Variants in COG8 observed in about 807,000 individuals in gnomAD.
COG8 encodes component of oligomeric golgi complex 8.
COG8 carries 45 observed loss-of-function variants against 46.5 expected under a neutral mutation model. The ratio of observed to expected loss-of-function variants is 0.97; its 90% confidence interval spans 0.76 to 1.24. The LOEUF is 1.24. Ranked by LOEUF, COG8 falls within the 50% of genes most tolerant of loss-of-function variation. The probability of loss-of-function intolerance (pLI) is 0.00; values close to 1 mark genes in which losing one functional copy is unlikely to be tolerated. For synonymous variants in COG8, 407 were observed against 347.8 expected (o/e 1.17, Z -1.90); for missense variants, 793 against 820.8 (o/e 0.97, Z 0.41).
intron 3 of COG8, among the ~76,000 whole-genome samples, 158 bp from the exon 4 acceptor site, chr16:69,333,040 G>A (rs1446052271): frequency 6.6e-6 from 1 of 152,068 alleles, no homozygotes; most frequent in Non-Finnish European, 1.5e-5. Context: ...TCAGAATTAT[G>A]GTCATTGTCC....
rs781410055 is a variant in COG8 at position 69,331,048 on chromosome 16, T to A, written c.1630A>T (p.Asn544Tyr). 1 of 1,613,976 alleles carries A rather than the reference T, an allele frequency of 6.2e-7. No homozygotes were observed. Among genetic ancestry groups the A allele is most frequent in the Non-Finnish European group, 8.5e-7 (1 of 1,179,990 alleles). ...LSKYGNLGHV[N>Y]IGAIQEPLAF... The stretch of plus-strand genomic sequence containing the variant: ...AGGGGCTCCTGAATGGCGCCGATGT[T>A]CACATGCCCTAGGTTACCGTACTTG... The change falls in exon 5 of 6, where the codon AAC (asparagine) becomes TAC (tyrosine). Residue 544 changes from asparagine to tyrosine, a missense_variant. Transcript: ENST00000306875.
chr16:69,338,312 C>T (rs2012319661), intron 1 of COG8: 1 of 152,138 alleles, frequency 6.6e-6, no homozygotes, highest in African/African-American at 2.4e-5. Flanking sequence ...GGGTTCAAGC[C>T]TCAGGCTCCC....
At position 69,329,153 on chromosome 16, in the gene COG8, C is replaced by T; in HGVS notation, c.*53G>A. ...GCTGCCCACCCGCTCGCCTGCCACACCACCTGTTCTCCATTGGGGTCCAGC... is the reference window on the plus strand; with the variant it reads ...GCTGCCCACCCGCTCGCCTGCCACATCACCTGTTCTCCATTGGGGTCCAGC... On this transcript the variant is annotated 3_prime_UTR_variant, in exon 6 of 6. Coordinates refer to ENST00000306875, the MANE Select transcript of COG8 (RefSeq NM_032382.5). The T allele has an allele frequency of 1.2e-6, 2 of 1,607,792 alleles. No individual in the cohort carries two copies. The highest frequency in any genetic ancestry group is 1.7e-6 in the Non-Finnish European group (2 of 1,178,606).
rs2012136006 is a variant in COG8 at position 69,335,195 on chromosome 16, A to G, written c.739T>C (p.Phe247Leu). 1 of 1,614,026 alleles carries G rather than the reference A, an allele frequency of 6.2e-7. No individual in the cohort carries two copies. The highest frequency in any genetic ancestry group is 1.1e-5 in the South Asian group (1 of 91,082). Residue 247 changes from phenylalanine (F) to leucine (L), a missense_variant, in exon 3 of 6, where the codon TTT becomes CTT. Coordinates refer to ENST00000306875, the MANE Select transcript of COG8 (RefSeq NM_032382.5). The part of the protein sequence containing the change: ...VFTEAELRVK[F>L]LQARDAWLRS... Reference sequence around the variant, plus strand: ...AGCCAAGCATCTCGGGCCTGAAGAAACTTCACCCTCAACTCAGCCTCAGTG... The same window carrying G: ...AGCCAAGCATCTCGGGCCTGAAGAAGCTTCACCCTCAACTCAGCCTCAGTG...
At position 69,335,183 on chromosome 16, in the gene COG8, G is replaced by A. The variant is rs567223248; in HGVS notation, c.751C>T (p.Arg251Ter). 8.1e-6 allele frequency: 13 copies of A among 1,614,136 alleles called. No individual in the cohort carries two copies. Among genetic ancestry groups the A allele is most frequent in the South Asian group, 4.4e-5 (4 of 91,082 alleles). ...AELRVKFLQA[R>*]DAWLRSILTA... ...AGGATGGACCGGAGCCAAGCATCTC[G>A]GGCCTGAAGAAACTTCACCCTCAAC... The change falls in exon 3 of 6, where the codon CGA becomes TGA. Residue 251 changes from arginine (R) to a stop codon, truncating the protein, a stop_gained. Coordinates refer to ENST00000306875, the MANE Select transcript of COG8 (RefSeq NM_032382.5). LOFTEE classifies it high-confidence loss of function.
Position 69,339,224 on chromosome 16 carries a change from G to T in COG8, c.329C>A (p.Ser110Ter). The T allele has an allele frequency of 6.2e-7, 1 of 1,612,810 alleles. No individual in the cohort carries two copies. Among genetic ancestry groups the T allele is most frequent in the Non-Finnish European group, 8.5e-7 (1 of 1,179,870 alleles). Reference sequence around the variant, plus strand: ...CAAACGGTCGAGCAGGCGGCCGAGCGACGCCTCCACGTCGCCAAACAGGCG... The same window carrying T: ...CAAACGGTCGAGCAGGCGGCCGAGCTACGCCTCCACGTCGCCAAACAGGCG... ...IHRLFGDVEASLGRLLDRLPS... is the reference protein window; with the variant it reads ...IHRLFGDVEA The change falls in exon 1 of 6, where the codon TCG (serine) becomes TAG (stop). Residue 110 changes from serine (S) to a stop codon, truncating the protein, a stop_gained. Coordinates refer to ENST00000306875, the MANE Select transcript of COG8 (RefSeq NM_032382.5). LOFTEE classifies it high-confidence loss of function.
chr16:69,330,413 C>T, intron 5 of COG8: 1 of 1,477,990 alleles, frequency 6.8e-7, no homozygotes, highest in Non-Finnish European at 8.9e-7. Flanking sequence ...CACCAGACGC[C>T]TCAGGTGGCG....
chr16:69,336,493 CA>C lies in COG8; in HGVS notation c.585+11del. On this transcript the variant is annotated intron_variant, in intron 2 of 5. Coordinates refer to ENST00000306875, the MANE Select transcript of COG8 (RefSeq NM_032382.5). ...AACATTACTTTGAGTCCTCTCTGGG[CA>C]AGGTGGCTACCTGGATGACAGGGAT... 1 of 1,613,450 alleles carries C rather than the reference CA, an allele frequency of 6.2e-7. No homozygotes were observed. The highest frequency in any genetic ancestry group is 8.5e-7 in the Non-Finnish European group (1 of 1,179,626).
At chr16:69,336,860 T>C (rs1029551128) in intron 1 of COG8, 148 bp from the exon 2 acceptor site, 1 of 749,150 alleles carries the variant, frequency 1.3e-6, no homozygotes, top group Non-Finnish European at 2.3e-6. Context: ...ATTATTACAA[T>C]TGAGGAAATT....
At position 69,329,210 on chromosome 16, in the gene COG8, G is replaced by A. The variant is rs766730910; in HGVS notation, c.*27-31C>T. Reference sequence around the variant, plus strand: ...AAGGAAGTTACAGCCCTGGTGAGTGGGAACAGCTGAACTGCATCATCCTCA... The same window carrying A: ...AAGGAAGTTACAGCCCTGGTGAGTGAGAACAGCTGAACTGCATCATCCTCA... On this transcript the variant is annotated intron_variant, in intron 5 of 5. Transcript: ENST00000306875. 14 of 1,551,876 alleles carry A rather than the reference G, an allele frequency of 9.0e-6. No homozygotes were observed. In the East Asian group the frequency reaches 3.1e-4, roughly 34 times the overall value.
intron 5 of COG8, chr16:69,330,076 C>A: frequency 6.4e-7 from 1 of 1,568,056 alleles, no homozygotes; most frequent in Non-Finnish European, 8.6e-7. Context: ...GAAAGGTGAC[C>A]AGGCGGCTGT....
intron 4 of COG8, 74 bp downstream of exon 4, chr16:69,332,640 A>G (rs2143334660): frequency 2.2e-6 from 3 of 1,360,464 alleles, no homozygotes; most frequent in South Asian, 1.2e-5. Flanking sequence ...ACACTGACTT[A>G]CACAAATGGA....
intron 4 of COG8, among the ~76,000 whole-genome samples, chr16:69,332,279 G>A (rs1048355203): frequency 2.0e-5 from 3 of 152,104 alleles, no homozygotes; most frequent in Admixed American, 2.0e-4. Context: ...GAACCCGGGA[G>A]GTGGAGGTTG....
At position 69,335,263 on chromosome 16, in the gene COG8, G is replaced by A. The variant is rs1251811719; in HGVS notation, c.671C>T (p.Ala224Val). The change falls in exon 3 of 6, where the codon GCC becomes GTC. Residue 224 changes from alanine to valine, a missense_variant. Ala to Val is a moderately conservative substitution (Grantham distance 64). Transcript: ENST00000306875. The part of the protein sequence containing the change: ...QQLRTNIQLP[A>V]CLRVIGYLRR... The stretch of plus-strand genomic sequence containing the variant: ...CAGGTAGCCAATGACACGGAGGCAG[G>A]CAGGAAGCTGGATGTTGGTCCTCAG... 2 of 1,613,580 alleles carry A rather than the reference G, an allele frequency of 1.2e-6. No homozygotes were observed. The highest frequency in any genetic ancestry group is 3.3e-5 in the Admixed American group (2 of 59,956).
At position 69,329,168 on chromosome 16, in the gene COG8, TG is replaced by T. The variant is rs1367521854; in HGVS notation, c.*37del. The T allele has an allele frequency of 3.1e-6, 5 of 1,603,600 alleles. No homozygotes were observed. In the African/African-American group the frequency reaches 6.7e-5, roughly 21 times the overall value. On this transcript the variant is annotated 3_prime_UTR_variant, in exon 6 of 6. Coordinates refer to ENST00000306875, the MANE Select transcript of COG8 (RefSeq NM_032382.5). ...GCCTGCCACACCACCTGTTCTCCATTGGGGTCCAGCCCTGCAAAGGAAGTTA... is the reference window on the plus strand; with the variant it reads ...GCCTGCCACACCACCTGTTCTCCATTGGGTCCAGCCCTGCAAAGGAAGTTA...
At position 69,332,723 on chromosome 16, in the gene COG8, GT is replaced by G; in HGVS notation, c.1572del (p.Gln525ArgfsTer3). 1 of 1,613,946 alleles carries G rather than the reference GT, an allele frequency of 6.2e-7. No individual in the cohort carries two copies. The highest frequency in any genetic ancestry group is 8.5e-7 in the Non-Finnish European group (1 of 1,179,790). On this transcript the variant is annotated frameshift_variant, in exon 4 of 6. Transcript: ENST00000306875. LOFTEE classifies it high-confidence loss of function. Reference sequence around the variant, plus strand: ...ATTTTCATTCTCTTACCTAAAGTCTGTGCTATCTGAGCTGGTGGAAAAAGGA... The same window carrying G: ...ATTTTCATTCTCTTACCTAAAGTCTGGCTATCTGAGCTGGTGGAAAAAGGA... ...LQVLFPPAQIAQTLGIPPTQL... is the reference protein window; with the variant it reads ...LQVLFPPAQIXQTLGIPPTQL...
chr16:69,337,599 T>C (rs541511787), intron 1 of COG8, among the ~76,000 whole-genome samples: 1 of 152,268 alleles, frequency 6.6e-6, no homozygotes, highest in South Asian at 2.1e-4. Context: ...AAGTCCCCTA[T>C]CTATTCTGGA....
Position 69,328,866 on chromosome 16 carries a change from C to A in COG8, c.*340G>T. On this transcript the variant is annotated 3_prime_UTR_variant, in exon 6 of 6. Coordinates refer to ENST00000306875, the MANE Select transcript of COG8 (RefSeq NM_032382.5). ...GTAACTGATTTCAGGGCAAACATTT[C>A]TGACATCTTCCTCCAGCTCAGTCTG... is the stretch of plus-strand genomic sequence containing the variant. 1 of 994,426 alleles carries A rather than the reference C, an allele frequency of 1.0e-6. No individual in the cohort carries two copies. Among genetic ancestry groups the A allele is most frequent in the Non-Finnish European group, 1.4e-6 (1 of 690,534 alleles). 61.6% of individuals were successfully genotyped at this position (994,426 alleles called of 1,614,324 possible). A position where few individuals can be genotyped will look rare whatever the true frequency, so the allele number is the denominator to read the frequency against.
chr16:69,329,174 C>T lies in COG8; in HGVS notation c.*32G>A. Reference sequence around the variant, plus strand: ...CACACCACCTGTTCTCCATTGGGGTCCAGCCCTGCAAAGGAAGTTACAGCC... The same window carrying T: ...CACACCACCTGTTCTCCATTGGGGTTCAGCCCTGCAAAGGAAGTTACAGCC... On this transcript the variant is annotated 3_prime_UTR_variant, in exon 6 of 6. Coordinates refer to ENST00000306875, the MANE Select transcript of COG8 (RefSeq NM_032382.5). 6.3e-7 allele frequency: 1 copy of T among 1,596,694 alleles called. No homozygotes were observed. Among genetic ancestry groups the T allele is most frequent in the Non-Finnish European group, 8.5e-7 (1 of 1,174,376 alleles).
Sources: gnomAD v4.1 joint callset for allele counts (sites outside exome capture counted in the v4.1 genomes callset) on GRCh38, gnomAD v4.1.1 for gene constraint, MANE v1.5 for transcripts, NCBI Gene and HGNC (gene_info 2026-07-23, HGNC 2026-07-21) for gene names.